Variants in SGPP1 observed in about 807,000 individuals in gnomAD.
SGPP1 encodes sphingosine-1-phosphate phosphatase 1.
Under a neutral mutation model 33.0 loss-of-function variants are expected in SGPP1, and 21 were observed. The observed-to-expected ratio is 0.64, with a 90% CI of 0.45 to 0.92. The LOEUF is 0.92. Ranked by LOEUF, SGPP1 falls within the 40% of genes least tolerant of loss-of-function variation. The pLI is 0.00. For missense variants in SGPP1, 543 were observed against 589.4 expected (o/e 0.92, Z 0.81); for synonymous variants, 239 against 241.2 (o/e 0.99, Z 0.08).
In SGPP1 at chr14:63,684,637, A is replaced by G. The variant is rs1411898588; in HGVS notation, c.*1468T>C. ...TCTGAAGTGATAGTTCTGGATAATCATACAGATATTGCACTAAAATCAGTA... is the reference window on the plus strand; with the variant it reads ...TCTGAAGTGATAGTTCTGGATAATCGTACAGATATTGCACTAAAATCAGTA... On this transcript the variant is annotated 3_prime_UTR_variant, in exon 3 of 3. Coordinates refer to ENST00000247225, the MANE Select transcript of SGPP1 (RefSeq NM_030791.4). 5.2e-5 allele frequency: 8 copies of G among 152,500 alleles called. No individual in the cohort carries two copies. Among genetic ancestry groups the G allele is most frequent in the Admixed American group, 5.2e-4 (8 of 15,268 alleles). The allele number at this position is 152,500 out of a possible 1,614,324, so 9.4% of individuals were successfully genotyped here.
At chr14:63,715,108 G>C (rs1192446840) in intron 1 of SGPP1, among the ~76,000 whole-genome samples, 1 of 146,364 alleles carries the variant, frequency 6.8e-6, no homozygotes, top group African/African-American at 2.5e-5. Context: ...GCTGCCTCCC[G>C]AGTTCAAGTG....
intron 2 of SGPP1, 108 bp downstream of exon 2, chr14:63,698,461 A>G: frequency 1.9e-6 from 1 of 532,910 alleles, no homozygotes; most frequent in Non-Finnish European, 3.2e-6. Context: ...ACGACTTACA[A>G]TATTTTCTCA....
intron 1 of SGPP1, among the ~76,000 whole-genome samples, chr14:63,712,964 C>G (rs1885555639): frequency 6.6e-6 from 1 of 151,334 alleles, no homozygotes; most frequent in Non-Finnish European, 1.5e-5. Context: ...GTTGCCCAAG[C>G]TGGTTTCGAG....
In SGPP1 at chr14:63,722,361, G is replaced by GAA. The variant is rs34786841; in HGVS notation, c.684+4898_684+4899dup. The stretch of plus-strand genomic sequence containing the variant: ...AACATGGTGAAACCCTGTCTCTATT[G>GAA]AAAAAAAAAAAAAAAAAAAATTAGC... On this transcript the variant is annotated intron_variant, in intron 1 of 2. Transcript: ENST00000247225. Among the ~76,000 whole-genome samples the GAA allele has an allele frequency of 7.0e-3, 688 of 97,784 alleles. 8 individuals are homozygous for GAA. The highest frequency in any genetic ancestry group is 0.024 in the African/African-American group (647 of 26,870). The allele number at this position is 97,784 out of a possible 152,430, so 64.2% of individuals were successfully genotyped here.
At chr14:63,716,719 A>C (rs780293706) in intron 1 of SGPP1, among the ~76,000 whole-genome samples, 9 of 149,912 alleles carry the variant, frequency 6.0e-5, no homozygotes, top group Non-Finnish European at 1.2e-4. Flanking sequence ...TTTGAGATAG[A>C]GTCTCACGCT....
Position 63,727,774 on chromosome 14 carries a change from C to A in SGPP1, c.171G>T (p.Gly57=). Residue 57 remains glycine (G), a synonymous_variant, in exon 1 of 3, where the codon GGG becomes GGT. Transcript: ENST00000247225. The stretch of plus-strand genomic sequence containing the variant: ...GGCCTCCAGGCGCCCCTGGCTGCCG[C>A]CCTCGCAGTCGAGGGTCTCCGGCGA... The part of the protein sequence containing the change: ...APLAGDPRLR[G]RQPGAPGGPQ... 1 of 1,497,100 alleles carries A rather than the reference C, an allele frequency of 6.7e-7. No homozygotes were observed. The highest frequency in any genetic ancestry group is 1.2e-5 in the South Asian group (1 of 80,872). The allele number at this position is 1,497,100 out of a possible 1,614,324, so 92.7% of individuals were successfully genotyped here.
chr14:63,712,540 T>C (rs1885545970), intron 1 of SGPP1, among the ~76,000 whole-genome samples: 1 of 152,194 alleles, frequency 6.6e-6, no homozygotes, highest in Non-Finnish European at 1.5e-5. Context: ...TTTCTAAAAG[T>C]AGCTGCAAAT....
At chr14:63,718,950 T>TC (rs1885687495) in intron 1 of SGPP1, among the ~76,000 whole-genome samples, 1 of 125,512 alleles carries the variant, frequency 8.0e-6, no homozygotes, top group South Asian at 2.7e-4. Flanking sequence ...AAAATTAGGA[T>TC]AGTAAAAATT....
At chr14:63,698,156 C>T (rs372851285) in intron 2 of SGPP1, among the ~76,000 whole-genome samples, 3 of 152,282 alleles carry the variant, frequency 2.0e-5, no homozygotes, top group Admixed American at 6.5e-5. Context: ...TATGTAAACA[C>T]AAATGGCCCC....
At chr14:63,687,770 T>C (rs975936193) in intron 2 of SGPP1, among the ~76,000 whole-genome samples, 5 of 152,174 alleles carry the variant, frequency 3.3e-5, no homozygotes, top group African/African-American at 9.6e-5. Context: ...TCGAAACTGC[T>C]TGAGCCCAGG....
chr14:63,721,458 A>AT (rs1485565311), intron 1 of SGPP1, among the ~76,000 whole-genome samples: 1 of 152,136 alleles, frequency 6.6e-6, no homozygotes, highest in African/African-American at 2.4e-5. Flanking sequence ...AAAAAAAAAA[A>AT]GGAATTAGTA....
At chr14:63,726,296 G>A (rs1220515386) in intron 1 of SGPP1, among the ~76,000 whole-genome samples, 2 of 152,038 alleles carry the variant, frequency 1.3e-5, no homozygotes, top group Non-Finnish European at 2.9e-5. Flanking sequence ...CCACAATTAC[G>A]CACTTTATTC....
chr14:63,690,150 C>T (rs946222405), intron 2 of SGPP1, among the ~76,000 whole-genome samples: 6 of 152,196 alleles, frequency 3.9e-5, no homozygotes, highest in Non-Finnish European at 8.8e-5. Context: ...GTTGTCCTCC[C>T]CACTTCAGCC....
chr14:63,700,108 G>A (rs1392735359), intron 1 of SGPP1, among the ~76,000 whole-genome samples: 2 of 151,892 alleles, frequency 1.3e-5, no homozygotes, highest in Non-Finnish European at 2.9e-5. Flanking sequence ...GACTACAGAT[G>A]GGTATCTCAA....
At position 63,689,047 on chromosome 14, in the gene SGPP1, C is replaced by A. The variant is rs147009168; in HGVS notation, c.775-2391G>T. ...GGTCATTTCTTAACAATATTCAATA[C>A]AGTTAAGCAACAGACTAGTTGCTTG... On this transcript the variant is annotated intron_variant, in intron 2 of 2. Coordinates refer to ENST00000247225, the MANE Select transcript of SGPP1 (RefSeq NM_030791.4). Among the ~76,000 whole-genome samples, 19 of 152,260 alleles carry A rather than the reference C, an allele frequency of 1.2e-4. No individual in the cohort carries two copies. In the East Asian group the frequency reaches 3.3e-3, roughly 26 times the overall value.
intron 2 of SGPP1, among the ~76,000 whole-genome samples, chr14:63,696,124 C>T (rs532095901): frequency 2.0e-5 from 3 of 152,154 alleles, no homozygotes; most frequent in Non-Finnish European, 2.9e-5. Context: ...CCTGTTTCTA[C>T]TAAAAATACA....
Position 63,727,420 on chromosome 14 carries a change from C to G in SGPP1, c.525G>C (p.Gln175His). The change falls in exon 1 of 3, where the codon CAG becomes CAC. Residue 175 changes from glutamine (Q) to histidine (H), a missense_variant. Transcript: ENST00000247225. ...GCCAGCGGATGATGTCCTTGGTGCA[C>G]TGGCCCAGGTACATGACCAGCACCC... ...VIWVLVMYLG[Q>H]CTKDIIRWPR... 1 of 1,614,048 alleles carries G rather than the reference C, an allele frequency of 6.2e-7. No individual in the cohort carries two copies. Among genetic ancestry groups the G allele is most frequent in the Non-Finnish European group, 8.5e-7 (1 of 1,180,002 alleles).
At chr14:63,708,251 CTTTTTTT>C (rs36105615) in intron 1 of SGPP1, among the ~76,000 whole-genome samples, 6 of 97,896 alleles carry the variant, frequency 6.1e-5, no homozygotes, top group African/African-American at 8.8e-5. Flanking sequence ...AGCAGCAATC[CTTTTTTT>C]TTTTTTTTTT....
chr14:63,707,344 GTTCCTA>G (rs1310412405), intron 1 of SGPP1, among the ~76,000 whole-genome samples: 6 of 152,028 alleles, frequency 3.9e-5, no homozygotes, highest in Non-Finnish European at 5.9e-5. Flanking sequence ...CTGTGTTCCA[GTTCCTA>G]TTAAGGAAAG....
Sources: allele counts gnomAD v4.1 joint callset (sites outside exome capture counted in the v4.1 genomes callset), GRCh38; gene constraint gnomAD v4.1.1; transcripts MANE v1.5; gene names NCBI Gene and HGNC (gene_info 2026-07-23, HGNC 2026-07-21).